ZZEF1: variants seen among roughly 807,000 people sequenced by gnomAD.
ZZEF1 encodes zinc finger ZZ-type and EF-hand domain-containing protein 1.
ZZEF1 carries 157 observed loss-of-function variants against 342.8 expected under a neutral mutation model. The ratio of observed to expected loss-of-function variants is 0.46; its 90% CI spans 0.40 to 0.52. ZZEF1 has a LOEUF of 0.52. Ranked by LOEUF, ZZEF1 falls within the 20% of genes least tolerant of loss-of-function variation. The pLI, the probability that ZZEF1 is intolerant of heterozygous loss-of-function variation, is 0.00. For synonymous variants in ZZEF1, 1,505 were observed against 1,429.1 expected, an observed-to-expected ratio of 1.05 and a Z score of -1.20; for missense variants, 3,480 against 3,725.6, an observed-to-expected ratio of 0.93 and a Z score of 1.72.
At chr17:4,034,357 A>T (rs1201201482) in intron 39 of ZZEF1, 65 bp from the exon 40 acceptor site, 16 of 1,552,932 alleles carry the variant, frequency 1.0e-5, no homozygotes, top group East Asian at 6.8e-5. Context: ...GCTAAATATT[A>T]TATCTCCCTC....
chr17:4,033,966 C>G, intron 40 of ZZEF1, 49 bp downstream of exon 40: 15 of 1,596,962 alleles, frequency 9.4e-6, no homozygotes, highest in Non-Finnish European at 1.3e-5. Flanking sequence ...AAATAAACAC[C>G]AAGGTGGGAT....
At chr17:4,049,637 T>C (rs2057001743) in intron 37 of ZZEF1, 71 bp downstream of exon 37, 25 of 1,587,918 alleles carry the variant, frequency 1.6e-5, no homozygotes, top group Non-Finnish European at 2.1e-5. Context: ...CTCTCTGCTA[T>C]GCTGCACTGA....
intron 36 of ZZEF1, among the ~76,000 whole-genome samples, chr17:4,050,400 C>T (rs1019625613): frequency 3.9e-5 from 6 of 152,138 alleles, no homozygotes; most frequent in East Asian, 3.9e-4. Context: ...CTATTTTACT[C>T]GTAAACAGCT....
At chr17:4,124,153 T>TAAA in intron 1 of ZZEF1, 102 bp from the exon 2 acceptor site, 1 of 1,405,332 alleles carries the variant, frequency 7.1e-7, no homozygotes, top group Non-Finnish European at 9.4e-7. Flanking sequence ...GATTTATTTA[T>TAAA]TTTTGGTTGC....
chr17:4,092,515 G>A (rs1258375240), intron 11 of ZZEF1, among the ~76,000 whole-genome samples: 5 of 151,966 alleles, frequency 3.3e-5, no homozygotes, highest in African/African-American at 1.2e-4. Flanking sequence ...TGGCCAGGCT[G>A]GTTTCTGACC....
intron 37 of ZZEF1, among the ~76,000 whole-genome samples, chr17:4,048,472 T>TC (rs1246690618): frequency 6.6e-6 from 1 of 152,182 alleles, no homozygotes; most frequent in East Asian, 1.9e-4. Flanking sequence ...AAGGGCCTTT[T>TC]CAGCAGAAAC....
At chr17:4,140,054 T>C (rs752925923) in intron 1 of ZZEF1, among the ~76,000 whole-genome samples, 3 of 152,190 alleles carry the variant, frequency 2.0e-5, no homozygotes, top group Non-Finnish European at 2.9e-5. Context: ...ACAGAATTAC[T>C]AAGTGGAAGA....
At chr17:4,009,155 C>T (rs868813482) in intron 53 of ZZEF1, 1 of 640,514 alleles carries the variant, frequency 1.6e-6, no homozygotes. Context: ...CCTTTGCCTC[C>T]ACCTGCCCTT....
rs779877541 is a variant in ZZEF1 at position 4,016,603 on chromosome 17, C to A, written c.8002-137G>T. ...GGACGAGCCTCTGTGACTCCACCAC[C>A]CAAAACCAACTCCACCAGCCACCTC... On this transcript the variant is annotated intron_variant, in intron 48 of 54. Transcript: ENST00000381638. This position sits in a 1 kb window ranked among gnomAD's most constrained non-coding sequence, Gnocchi z 4.4. 2 of 948,992 alleles carry A rather than the reference C, an allele frequency of 2.1e-6. No homozygotes were observed. Among genetic ancestry groups the A allele is most frequent in the Non-Finnish European group, 3.0e-6 (2 of 656,030 alleles). 58.8% of individuals were successfully genotyped at this position (948,992 alleles called of 1,614,324 possible).
In ZZEF1 at chr17:4,074,326, C is replaced by T. The variant is rs150892365; in HGVS notation, c.3509G>A (p.Arg1170Gln). 129 of 1,613,982 alleles carry T rather than the reference C, an allele frequency of 8.0e-5. No homozygotes were observed. Among genetic ancestry groups the T allele is most frequent in the East Asian group, 1.6e-4 (7 of 44,890 alleles). The change falls in exon 24 of 55, where the codon CGG (arginine) becomes CAG (glutamine). Residue 1170 changes from arginine to glutamine, a missense_variant. Arg to Gln is a conservative substitution (Grantham distance 43). This residue lies in a region of ZZEF1 where 1,528 missense variants were observed against 1,624.1 expected (regional missense o/e 0.94). Coordinates refer to ENST00000381638, the MANE Select transcript of ZZEF1 (RefSeq NM_015113.4). ...GTCAGAGTGAAAGAGGAACTGCAAC[C>T]GAGGACCGGCCTTGAAGGTCACTTT... ...PKKVTFKAGP[R>Q]LQFLFHSDSS...
chr17:4,104,300 T>C (rs7221595), intron 8 of ZZEF1, among the ~76,000 whole-genome samples: 25,366 of 152,078 alleles, frequency 0.17, 2,171 homozygotes, highest in East Asian at 0.18. Context: ...GCCTACACAA[T>C]GAGACACTTC....
intron 34 of ZZEF1, among the ~76,000 whole-genome samples, chr17:4,052,720 A>G (rs1216585569): frequency 6.6e-6 from 1 of 152,196 alleles, no homozygotes; most frequent in Non-Finnish European, 1.5e-5. Flanking sequence ...TACAAAAATT[A>G]GCCACGTGTG....
intron 46 of ZZEF1, 117 bp from the exon 47 acceptor site, chr17:4,018,088 T>A: frequency 7.4e-7 from 1 of 1,352,766 alleles, no homozygotes; most frequent in South Asian, 1.3e-5. Context: ...ATCAATGACA[T>A]TATCATATTC....
chr17:4,100,237 T>C (rs1175110780), intron 9 of ZZEF1, among the ~76,000 whole-genome samples: 1 of 152,168 alleles, frequency 6.6e-6, no homozygotes, highest in Non-Finnish European at 1.5e-5. Context: ...ACTTTCCTCT[T>C]GTCTTGTCCC....
At chr17:4,069,660 G>A (rs1364378517) in intron 26 of ZZEF1, among the ~76,000 whole-genome samples, 3 of 152,078 alleles carry the variant, frequency 2.0e-5, no homozygotes, top group South Asian at 2.1e-4. Flanking sequence ...GCGAAACCCC[G>A]TCTCTACTAA....
intron 42 of ZZEF1, among the ~76,000 whole-genome samples, chr17:4,025,783 T>C (rs2056389986): frequency 1.3e-5 from 2 of 151,762 alleles, no homozygotes; most frequent in Non-Finnish European, 2.9e-5. Flanking sequence ...ACCAGGACAC[T>C]GAAAAAACAT....
intron 1 of ZZEF1, among the ~76,000 whole-genome samples, chr17:4,131,639 G>C (rs539527677): frequency 5.9e-5 from 9 of 152,118 alleles, no homozygotes; most frequent in African/African-American, 2.2e-4. Context: ...AATTTGCCAG[G>C]CGTGGTGGTA....
At chr17:4,069,924 G>A (rs879464514) in intron 26 of ZZEF1, among the ~76,000 whole-genome samples, 6 of 152,204 alleles carry the variant, frequency 3.9e-5, no homozygotes, top group Admixed American at 2.6e-4. Context: ...CCTGCGCTGC[G>A]TGGAGAAGAC....
chr17:4,072,522 A>G lies in ZZEF1; in HGVS notation c.3834+86T>C, dbSNP rs761140758. On this transcript the variant is annotated intron_variant, in intron 25 of 54. Transcript: ENST00000381638. Reference sequence around the variant, plus strand: ...AACTGCTTAATACGGGTAGTAAGATAGAAACACAAGTGTTTATAACTTAAA... The same window carrying G: ...AACTGCTTAATACGGGTAGTAAGATGGAAACACAAGTGTTTATAACTTAAA... 1.4e-4 allele frequency: 199 copies of G among 1,439,288 alleles called. 1 individual carries two copies. Among genetic ancestry groups the G allele is most frequent in the Middle Eastern group, 1.8e-4 (1 of 5,460 alleles). 89.2% of individuals were successfully genotyped at this position (1,439,288 alleles called of 1,614,324 possible).
Sources: allele counts gnomAD v4.1 joint callset (sites outside exome capture counted in the v4.1 genomes callset), GRCh38; gene constraint gnomAD v4.1.1; regional missense constraint gnomAD v4.1.1; non-coding constraint Gnocchi (gnomAD v3.1); transcripts MANE v1.5; gene names NCBI Gene and HGNC (gene_info 2026-07-23, HGNC 2026-07-21).